The following NCKAP5 variants were observed in gnomAD, a reference collection of about 807,000 sequenced individuals.
The protein encoded by NCKAP5 is nck-associated protein 5.
A neutral mutation model predicts 167.0 loss-of-function variants in NCKAP5; 92 were observed. The ratio of observed to expected loss-of-function variants is 0.55; its 90% CI spans 0.47 to 0.66. NCKAP5 has a LOEUF of 0.66. NCKAP5 is among the 30% of genes least tolerant of loss of function. The pLI is 0.00. For synonymous variants in NCKAP5, 891 were observed against 877.4 expected (o/e 1.02, Z -0.27); for missense variants, 2,378 against 2,315.0 (o/e 1.03, Z -0.56).
At chr2:133,514,983 T>A (rs886546140) in intron 3 of NCKAP5, among the ~76,000 whole-genome samples, 4 of 151,930 alleles carry the variant, frequency 2.6e-5, no homozygotes, top group Admixed American at 6.6e-5. Flanking sequence ...TAATGCCAGG[T>A]TTGTTGTTCT....
intron 19 of NCKAP5, among the ~76,000 whole-genome samples, chr2:132,724,384 A>G (rs1040032737): frequency 2.6e-5 from 4 of 152,158 alleles, no homozygotes; most frequent in African/African-American, 4.8e-5. Context: ...GGAAGCTTTC[A>G]ACAAATACTT....
chr2:133,294,943 C>T (rs1314131063), intron 4 of NCKAP5, among the ~76,000 whole-genome samples: 1 of 152,062 alleles, frequency 6.6e-6, no homozygotes, highest in Non-Finnish European at 1.5e-5. Flanking sequence ...CTTTTACTCC[C>T]CCTGGTGATG....
intron 3 of NCKAP5, among the ~76,000 whole-genome samples, chr2:133,360,568 C>G (rs936741150): frequency 6.6e-6 from 1 of 152,116 alleles, no homozygotes; most frequent in Non-Finnish European, 1.5e-5. Flanking sequence ...AGTCGACTAT[C>G]TGGTAAGTCT....
At chr2:133,200,723 C>T (rs2085649159) in intron 5 of NCKAP5, among the ~76,000 whole-genome samples, 1 of 152,174 alleles carries the variant, frequency 6.6e-6, no homozygotes, top group Middle Eastern at 3.2e-3. Flanking sequence ...TCGTAACAGA[C>T]TGATACGTTT....
chr2:133,204,964 T>C (rs187747445), intron 5 of NCKAP5, among the ~76,000 whole-genome samples: 22 of 152,274 alleles, frequency 1.4e-4, no homozygotes, highest in African/African-American at 5.1e-4. Flanking sequence ...TGGTGTTTGA[T>C]AGCAATGAAA....
chr2:133,219,584 T>C (rs895298294), intron 4 of NCKAP5, among the ~76,000 whole-genome samples: 2 of 152,204 alleles, frequency 1.3e-5, no homozygotes, highest in Non-Finnish European at 1.5e-5. Flanking sequence ...TTCTGAATTA[T>C]ATTCCCTTTT....
At chr2:133,234,732 C>T (rs1209198041) in intron 4 of NCKAP5, among the ~76,000 whole-genome samples, 1 of 151,892 alleles carries the variant, frequency 6.6e-6, no homozygotes, top group African/African-American at 2.4e-5. Context: ...TAGAGGGTGA[C>T]AAGAGAAGGC....
intron 4 of NCKAP5, among the ~76,000 whole-genome samples, chr2:133,250,845 G>A (rs1013553768): frequency 2.0e-5 from 3 of 152,028 alleles, no homozygotes; most frequent in South Asian, 2.1e-4. Flanking sequence ...TAGCAAGATG[G>A]CTTGAGCCCA....
the NCKAP5 span, among the ~76,000 whole-genome samples, chr2:133,652,471 C>T: frequency 1.4e-4 from 21 of 152,306 alleles, no homozygotes; most frequent in African/African-American, 4.3e-4. Context: ...AAAGCAGCAA[C>T]GTATTGACGG....
At chr2:133,528,176 C>G (rs1033423609) in intron 2 of NCKAP5, among the ~76,000 whole-genome samples, 1 of 152,036 alleles carries the variant, frequency 6.6e-6, no homozygotes, top group Non-Finnish European at 1.5e-5. Context: ...TGTGTGTATA[C>G]AGACATATAT....
At chr2:133,498,500 C>A (rs1363830880) in intron 3 of NCKAP5, among the ~76,000 whole-genome samples, 48 of 129,626 alleles carry the variant, frequency 3.7e-4, no homozygotes, top group African/African-American at 1.3e-3. Context: ...GGCAGGCAGG[C>A]AGGCAGGCAG....
At chr2:133,518,997 T>C (rs1684257574) in intron 2 of NCKAP5, among the ~76,000 whole-genome samples, 1 of 152,196 alleles carries the variant, frequency 6.6e-6, no homozygotes, top group Non-Finnish European at 1.5e-5. Context: ...CAATTAACTT[T>C]TTAATATAAT....
At chr2:133,075,735 G>A (rs2080579359) in intron 6 of NCKAP5, among the ~76,000 whole-genome samples, 1 of 152,084 alleles carries the variant, frequency 6.6e-6, no homozygotes, top group African/African-American at 2.4e-5. Flanking sequence ...AAAAACAATA[G>A]ATAGGTTTTA....
chr2:133,402,432 C>G (rs994407736), intron 3 of NCKAP5, among the ~76,000 whole-genome samples: 3 of 152,116 alleles, frequency 2.0e-5, no homozygotes, highest in African/African-American at 7.2e-5. Flanking sequence ...ATAGAGGTCA[C>G]AGGTAATAAT....
rs1311896704 is a variant in NCKAP5, at chr2:133,116,331, C to CA, written c.341+13646dup. ...TGAAACCCCGTCTCTACTAAAAATA[C>CA]AAAAAAATTAGCCGGGCGTGGTGGC... is the stretch of plus-strand genomic sequence containing the variant. On this transcript the variant is annotated intron_variant, in intron 6 of 19. Transcript: ENST00000409261. 6.5e-5 allele frequency among the ~76,000 whole-genome samples: 8 copies of CA among 122,954 alleles called. 2 individuals carry two copies. Among genetic ancestry groups the CA allele is most frequent in the Admixed American group, 1.7e-4 (2 of 11,956 alleles). 80.7% of individuals were successfully genotyped at this position (122,954 alleles called of 152,430 possible). A position where few individuals can be genotyped will look rare whatever the true frequency, so the allele number is the denominator to read the frequency against.
chr2:133,316,433 C>T (rs932197284), intron 3 of NCKAP5, among the ~76,000 whole-genome samples: 9 of 152,126 alleles, frequency 5.9e-5, no homozygotes, highest in African/African-American at 1.9e-4. Context: ...ACAAGAGGAC[C>T]GTCAAACTAT....
chr2:133,088,863 AAAG>A (rs1277408840), intron 6 of NCKAP5, among the ~76,000 whole-genome samples: 1 of 152,326 alleles, frequency 6.6e-6, no homozygotes, highest in East Asian at 1.9e-4. Flanking sequence ...TTTGTATTTA[AAAG>A]AAGAGGATTA....
intron 3 of NCKAP5, among the ~76,000 whole-genome samples, chr2:133,483,657 G>A (rs1361604201): frequency 6.6e-6 from 1 of 151,140 alleles, no homozygotes; most frequent in Non-Finnish European, 1.5e-5. Context: ...TCTTAAAATA[G>A]AATTCAGAAC....
At position 132,790,132 on chromosome 2, in the gene NCKAP5, G is replaced by T; in HGVS notation, c.983C>A (p.Pro328His). 6.2e-7 allele frequency: 1 copy of T among 1,613,682 alleles called. No individual in the cohort carries two copies. Among genetic ancestry groups the T allele is most frequent in the Admixed American group, 1.7e-5 (1 of 59,962 alleles). Residue 328 changes from proline (P) to histidine (H), a missense_variant, in exon 13 of 20, where the codon CCT becomes CAT. By Grantham distance (77) the Pro-to-His change is moderately conservative (BLOSUM62 -2). Coordinates refer to ENST00000409261, the MANE Select transcript of NCKAP5 (RefSeq NM_207363.3). ...LGAVIPGHLC[P>H]RNSYSSSSEL... ...ACTGCTGCTACTGTAGCTGTTTCGA[G>T]GACAGAGATGACCAGGGATGACAGC...
Sources: allele counts gnomAD v4.1 joint callset (sites outside exome capture counted in the v4.1 genomes callset), GRCh38; gene constraint gnomAD v4.1.1; transcripts MANE v1.5; gene names NCBI Gene and HGNC (gene_info 2026-07-23, HGNC 2026-07-21).